The following SGCD variants were observed in gnomAD, a reference collection of about 807,000 sequenced individuals.
SGCD encodes delta-sarcoglycan.
Under a neutral mutation model 36.6 loss-of-function variants are expected in SGCD, and 18 were observed. That is an observed-to-expected ratio of 0.49 (90% CI 0.34 to 0.73). The LOEUF is 0.73. SGCD is among the 30% of genes least tolerant of loss of function. SGCD has a pLI of 0.01. For synonymous variants in SGCD, 133 were observed against 130.6 expected (o/e 1.02, Z -0.12); for missense variants, 387 against 346.7 (o/e 1.12, Z -0.92).
chr5:156,108,185 C>T (rs576679581), intron 1 of SGCD, among the ~76,000 whole-genome samples: 237 of 152,178 alleles, frequency 1.6e-3, no homozygotes, highest in Non-Finnish European at 2.5e-3. Flanking sequence ...CCAGGATGCA[C>T]ACCTTCTAGT....
At chr5:155,751,973 A>G in the SGCD span, among the ~76,000 whole-genome samples, 7 of 152,120 alleles carry the variant, frequency 4.6e-5, no homozygotes, top group Non-Finnish European at 8.8e-5. Flanking sequence ...TGTATGCTAA[A>G]CATGACCAGT....
chr5:155,752,062 T>C, the SGCD span, among the ~76,000 whole-genome samples: 1 of 152,212 alleles, frequency 6.6e-6, no homozygotes, highest in East Asian at 1.9e-4. Context: ...TTATGATCTA[T>C]ATAACATTGA....
At chr5:155,895,440 C>T (rs1756228729) in intron 1 of SGCD, among the ~76,000 whole-genome samples, 1 of 152,152 alleles carries the variant, frequency 6.6e-6, no homozygotes, top group African/African-American at 2.4e-5. Flanking sequence ...GTTGAAAGTT[C>T]TCTTTAATGG....
intron 1 of SGCD, among the ~76,000 whole-genome samples, chr5:156,096,668 C>T (rs1046882376): frequency 1.3e-5 from 2 of 151,958 alleles, no homozygotes; most frequent in Non-Finnish European, 2.9e-5. Flanking sequence ...ATTTTCTAAG[C>T]AAGCATAAAA....
At position 156,386,826 on chromosome 5, in the gene SGCD, A is replaced by G. The variant is rs148881497; in HGVS notation, c.192+42149A>G. 8.9e-4 allele frequency among the ~76,000 whole-genome samples: 136 copies of G among 152,328 alleles called. No homozygotes were observed. The East Asian group carries it at 0.024, about 27-fold the overall frequency. ...ATTGAAATCAGCCCAAACCATCTCA[A>G]GCTCATCCCAGTAGTCCAGAAAGTT... On this transcript the variant is annotated intron_variant, in intron 3 of 8. Coordinates refer to ENST00000337851, the MANE Select transcript of SGCD (RefSeq NM_000337.6).
chr5:156,734,515 A>ACAAT (rs1464775910), intron 7 of SGCD, among the ~76,000 whole-genome samples: 1 of 152,092 alleles, frequency 6.6e-6, no homozygotes, highest in African/African-American at 2.4e-5. Flanking sequence ...TTCAGGTACA[A>ACAAT]CAATCAGTCG....
chr5:156,750,603 G>A (rs949550091), intron 7 of SGCD, among the ~76,000 whole-genome samples: 9 of 150,122 alleles, frequency 6.0e-5, no homozygotes, highest in East Asian at 2.0e-4. Flanking sequence ...CCAAGATTGC[G>A]CCACCGCACT....
chr5:156,492,552 T>G (rs778979668), intron 3 of SGCD, among the ~76,000 whole-genome samples: 1 of 152,194 alleles, frequency 6.6e-6, no homozygotes, highest in African/African-American at 2.4e-5. Flanking sequence ...ATATTTACTA[T>G]GTACAACATG....
intron 7 of SGCD, among the ~76,000 whole-genome samples, chr5:156,687,684 A>G (rs1753954923): frequency 6.6e-6 from 1 of 152,194 alleles, no homozygotes; most frequent in Non-Finnish European, 1.5e-5. Flanking sequence ...CCTCCGCATC[A>G]ACTTGTGTCA....
upstream of SGCD, chr5:156,327,133 A>G (rs1040713747): frequency 6.6e-6 from 1 of 152,116 alleles, no homozygotes; most frequent in African/African-American, 2.4e-5. Flanking sequence ...GGGCCTGCAC[A>G]CACTCAGCGG....
chr5:155,895,008 G>T (rs981257251), intron 1 of SGCD, among the ~76,000 whole-genome samples: 3 of 152,126 alleles, frequency 2.0e-5, no homozygotes, highest in East Asian at 1.9e-4. Context: ...AAAGGGAGGT[G>T]GGACTGCAGT....
intron 3 of SGCD, among the ~76,000 whole-genome samples, chr5:156,394,201 T>G (rs1211886335): frequency 6.6e-6 from 1 of 151,842 alleles, no homozygotes; most frequent in African/African-American, 2.4e-5. Context: ...GTTTGGGGGG[T>G]GGTGGGAAGT....
At chr5:156,445,189 G>C (rs952509217) in intron 3 of SGCD, among the ~76,000 whole-genome samples, 1 of 152,064 alleles carries the variant, frequency 6.6e-6, no homozygotes, top group Non-Finnish European at 1.5e-5. Context: ...TGACCTAAAA[G>C]TGGTACATAT....
chr5:156,483,369 C>G (rs971486577), intron 3 of SGCD, among the ~76,000 whole-genome samples: 1 of 152,176 alleles, frequency 6.6e-6, no homozygotes, highest in Non-Finnish European at 1.5e-5. Flanking sequence ...CAAAGAATCT[C>G]AGATGTCTGA....
intron 3 of SGCD, among the ~76,000 whole-genome samples, chr5:156,432,412 G>A (rs942371380): frequency 3.3e-5 from 5 of 152,208 alleles, no homozygotes; most frequent in South Asian, 2.1e-4. Context: ...AGGAGGTGGC[G>A]TTTGCAAGAC....
chr5:156,609,123 C>A (rs1034245957), intron 6 of SGCD, among the ~76,000 whole-genome samples: 1 of 151,718 alleles, frequency 6.6e-6, no homozygotes, highest in African/African-American at 2.4e-5. Context: ...TTAGTTGATG[C>A]AGTTTCTTCC....
intron 1 of SGCD, among the ~76,000 whole-genome samples, chr5:156,070,934 A>G (rs1006029658): frequency 1.3e-5 from 2 of 152,168 alleles, no homozygotes; most frequent in Non-Finnish European, 2.9e-5. Context: ...TGTTTGTAGT[A>G]TTCTCTGATG....
At chr5:156,394,661 G>A (rs755823728) in intron 3 of SGCD, among the ~76,000 whole-genome samples, 1 of 152,134 alleles carries the variant, frequency 6.6e-6, no homozygotes, top group South Asian at 2.1e-4. Context: ...GTGATATAAA[G>A]TATTTTCTTT....
intron 1 of SGCD, among the ~76,000 whole-genome samples, chr5:156,099,381 T>C (rs1287595423): frequency 6.6e-6 from 1 of 152,186 alleles, no homozygotes; most frequent in Non-Finnish European, 1.5e-5. Context: ...AGATGCTTAC[T>C]ATTATAACTC....
Sources: allele counts gnomAD v4.1 joint callset (sites outside exome capture counted in the v4.1 genomes callset), GRCh38; gene constraint gnomAD v4.1.1; transcripts MANE v1.5; gene names NCBI Gene and HGNC (gene_info 2026-07-23, HGNC 2026-07-21).